The following FHIT variants were observed in gnomAD, a reference collection of about 807,000 sequenced individuals.
FHIT encodes fragile histidine triad diadenosine triphosphatase.
In FHIT, 19 loss-of-function variants were observed where a neutral mutation model predicts 17.9. The observed-to-expected ratio is 1.06, with a 90% CI of 0.74 to 1.56. The LOEUF is 1.56. Among genes scored for constraint, FHIT ranks in the 40% most tolerant of loss-of-function variants. FHIT has a pLI of 0.00. For missense variants in FHIT, 248 were observed against 189.2 expected, an observed-to-expected ratio of 1.31 and a Z score of -1.82; for synonymous variants, 81 against 69.7, an observed-to-expected ratio of 1.16 and a Z score of -0.81.
chr3:60,025,571 C>G (rs17061844), intron 5 of FHIT, among the ~76,000 whole-genome samples: 4,213 of 152,128 alleles, frequency 0.028, 196 homozygotes, highest in African/African-American at 0.095. Flanking sequence ...TTTTTTAATG[C>G]CATAACACCG....
intron 5 of FHIT, among the ~76,000 whole-genome samples, chr3:60,481,592 G>T (rs1559481234): frequency 6.6e-6 from 1 of 152,122 alleles, no homozygotes; most frequent in Non-Finnish European, 1.5e-5. Context: ...ATAAGCATAA[G>T]AGAAATAAAA....
chr3:60,695,429 T>C (rs1459398795), intron 4 of FHIT, among the ~76,000 whole-genome samples: 1 of 152,124 alleles, frequency 6.6e-6, no homozygotes, highest in Non-Finnish European at 1.5e-5. Flanking sequence ...ATATAAATGT[T>C]TTCATTTGTA....
chr3:60,618,291 A>G (rs1553676786), intron 4 of FHIT, among the ~76,000 whole-genome samples: 2 of 152,106 alleles, frequency 1.3e-5, no homozygotes, highest in Non-Finnish European at 2.9e-5. Flanking sequence ...TTCCAGTTTG[A>G]ATTACTCCAA....
chr3:61,072,992 T>A (rs760552244), intron 2 of FHIT, among the ~76,000 whole-genome samples: 2 of 152,162 alleles, frequency 1.3e-5, no homozygotes, highest in Non-Finnish European at 2.9e-5. Context: ...CTAATTTTTT[T>A]ATAAAGGCCC....
chr3:60,612,487 A>C (rs182430433), intron 4 of FHIT, among the ~76,000 whole-genome samples: 86 of 152,344 alleles, frequency 5.6e-4, no homozygotes, highest in African/African-American at 2.0e-3. Context: ...CAGGAAATCT[A>C]TGCCTGGCTT....
intron 4 of FHIT, among the ~76,000 whole-genome samples, chr3:60,815,602 T>G (rs1559743938): frequency 6.6e-6 from 1 of 152,272 alleles, no homozygotes; most frequent in Non-Finnish European, 1.5e-5. Flanking sequence ...GTGTCTGTCT[T>G]GTACCAGTAC....
In FHIT at chr3:60,400,347, G is replaced by C. The variant is rs1417622822; in HGVS notation, c.103+136513C>G. Among the ~76,000 whole-genome samples the C allele has an allele frequency of 2.0e-5, 3 of 152,154 alleles. 1 individual carries two copies. Among genetic ancestry groups the C allele is most frequent in the African/African-American group, 7.2e-5 (3 of 41,442 alleles). ...GGACCCTGGCAGCAGCCTGGGGCCT[G>C]CAGAGGAAAAAGCTCCAAGAGGAGC... On this transcript the variant is annotated intron_variant, in intron 5 of 9. Coordinates refer to ENST00000492590, the MANE Select transcript of FHIT (RefSeq NM_002012.4).
intron 3 of FHIT, among the ~76,000 whole-genome samples, chr3:61,034,225 C>T (rs1205082048): frequency 2.0e-5 from 3 of 152,048 alleles, no homozygotes; most frequent in Non-Finnish European, 4.4e-5. Context: ...TTATATATGA[C>T]ACCAAAAGCA....
chr3:60,963,347 T>A (rs1709556320), intron 3 of FHIT, among the ~76,000 whole-genome samples: 1 of 152,238 alleles, frequency 6.6e-6, no homozygotes, highest in South Asian at 2.1e-4. Context: ...TTGCTAGTGG[T>A]CTATCAATTT....
chr3:61,146,759 G>A lies in FHIT; in HGVS notation c.-164+53858C>T, dbSNP rs565810473. On this transcript the variant is annotated intron_variant, in intron 2 of 9. Coordinates refer to ENST00000492590, the MANE Select transcript of FHIT (RefSeq NM_002012.4). ...CAGCAGTTCCATAGAATTCCTCAGG[G>A]TATATGCAAAGAAACTACTGTAGGA... 3.8e-4 allele frequency among the ~76,000 whole-genome samples: 58 copies of A among 152,038 alleles called. 2 individuals carry two copies. The highest frequency in any genetic ancestry group is 1.3e-3 in the African/African-American group (56 of 41,526).
intron 5 of FHIT, among the ~76,000 whole-genome samples, chr3:60,116,013 T>G (rs143221593): frequency 6.6e-6 from 1 of 152,328 alleles, no homozygotes; most frequent in African/African-American, 2.4e-5. Context: ...TTTCAAATAT[T>G]CTTTAATAAA....
intron 7 of FHIT, among the ~76,000 whole-genome samples, chr3:59,954,846 C>T (rs1211395306): frequency 6.6e-6 from 1 of 152,144 alleles, no homozygotes; most frequent in Non-Finnish European, 1.5e-5. Context: ...AAAACCCAAG[C>T]TTACATGCTA....
At position 59,752,737 on chromosome 3, in the gene FHIT, ACT is replaced by A. The variant is rs369062535; in HGVS notation, c.349-418_349-417del. Among the ~76,000 whole-genome samples the A allele has an allele frequency of 1.6e-3, 235 of 150,938 alleles. 7 individuals carry two copies. The East Asian group carries it at 0.042, about 27-fold the overall frequency. On this transcript the variant is annotated intron_variant, in intron 8 of 9. Coordinates refer to ENST00000492590, the MANE Select transcript of FHIT (RefSeq NM_002012.4). ...TTAAAAGTGTGTAGCACCTCCCTCC[ACT>A]CTCTCTTCCTCCTGCTCCAGCCACA...
At chr3:60,519,058 A>C (rs1576800832) in intron 5 of FHIT, among the ~76,000 whole-genome samples, 1 of 152,194 alleles carries the variant, frequency 6.6e-6, no homozygotes, top group Admixed American at 6.5e-5. Context: ...TCAACAATGA[A>C]GTAGGTTAAA....
chr3:60,860,969 CA>C (rs1240286933), intron 3 of FHIT, among the ~76,000 whole-genome samples: 1 of 98,714 alleles, frequency 1.0e-5, no homozygotes, highest in East Asian at 2.4e-4. Context: ...ACGTATATAT[CA>C]TGTATATATG....
chr3:60,530,324 G>C (rs1424422473), intron 5 of FHIT, among the ~76,000 whole-genome samples: 1 of 152,138 alleles, frequency 6.6e-6, no homozygotes, highest in African/African-American at 2.4e-5. Flanking sequence ...CATGCCTCAG[G>C]AACAGTGTTT....
chr3:60,794,373 A>AATGGATGCATGGATGG (rs375333016), intron 4 of FHIT, among the ~76,000 whole-genome samples: 5 of 149,618 alleles, frequency 3.3e-5, no homozygotes, highest in African/African-American at 1.2e-4. Context: ...GGGAAGGAAA[A>AATGGATGCATGGATGG]ATGGATGGAT....
chr3:60,384,811 G>C (rs1268768847), intron 5 of FHIT, among the ~76,000 whole-genome samples: 3 of 144,780 alleles, frequency 2.1e-5, no homozygotes, highest in African/African-American at 7.7e-5. Context: ...GAGATGAACA[G>C]AGCTAGGAGG....
intron 2 of FHIT, among the ~76,000 whole-genome samples, chr3:61,120,765 G>T (rs1228955341): frequency 6.6e-6 from 1 of 152,062 alleles, no homozygotes; most frequent in Non-Finnish European, 1.5e-5. Flanking sequence ...GACAGAAGTA[G>T]GCTTCAGAAG....
Sources: allele counts gnomAD v4.1 joint callset (sites outside exome capture counted in the v4.1 genomes callset), GRCh38; gene constraint gnomAD v4.1.1; transcripts MANE v1.5; gene names NCBI Gene and HGNC (gene_info 2026-07-23, HGNC 2026-07-21).